The following LCOR variants were observed in gnomAD, a reference collection of about 807,000 sequenced individuals.
LCOR encodes ligand-dependent corepressor.
A neutral mutation model predicts 64.4 loss-of-function variants in LCOR; 14 were observed. The observed-to-expected ratio is 0.22, with a 90% CI of 0.14 to 0.34. The LOEUF is 0.34. Among genes scored for constraint, LCOR ranks in the 10% least tolerant of loss-of-function variants. The probability of loss-of-function intolerance (pLI) is 1.00; values close to 1 mark genes in which losing one functional copy is unlikely to be tolerated. For synonymous variants in LCOR, 643 were observed against 642.5 expected (o/e 1.00, Z -0.01); for missense variants, 1,686 against 1,765.3 (o/e 0.96, Z 0.80).
intron 2 of LCOR, among the ~76,000 whole-genome samples, chr10:96,839,776 TC>T (rs774716617): frequency 2.0e-5 from 3 of 152,090 alleles, no homozygotes; most frequent in Admixed American, 6.6e-5. Context: ...ACCTCTGTCT[TC>T]CAGGTTCAAG....
chr10:96,924,706 C>T (rs1341340888), intron 4 of LCOR, among the ~76,000 whole-genome samples: 1 of 151,954 alleles, frequency 6.6e-6, no homozygotes, highest in Non-Finnish European at 1.5e-5. Context: ...TTACTACTTA[C>T]AACGCAGGCA....
At chr10:96,917,141 C>T (rs1043252077) in intron 4 of LCOR, among the ~76,000 whole-genome samples, 2 of 152,196 alleles carry the variant, frequency 1.3e-5, no homozygotes, top group East Asian at 1.9e-4. Context: ...TCTCCCAGTT[C>T]GTAGAGTTGT....
At chr10:96,915,622 C>T in intron 4 of LCOR, 1 of 871,262 alleles carries the variant, frequency 1.1e-6, no homozygotes. Context: ...ATCAAAAATG[C>T]ACACACTTCA....
intron 4 of LCOR, among the ~76,000 whole-genome samples, chr10:96,911,526 G>A (rs1024000721): frequency 1.3e-5 from 2 of 152,218 alleles, no homozygotes; most frequent in Admixed American, 1.3e-4. Context: ...TTTGATCCAT[G>A]TTTTTAGATG....
intron 6 of LCOR, among the ~76,000 whole-genome samples, chr10:96,950,550 T>G (rs1198545583): frequency 1.3e-5 from 2 of 152,096 alleles, no homozygotes; most frequent in Non-Finnish European, 2.9e-5. Flanking sequence ...TTAATGGAGG[T>G]TAACATAAAA....
intron 2 of LCOR, among the ~76,000 whole-genome samples, chr10:96,874,571 C>T (rs916345282): frequency 1.3e-5 from 2 of 152,018 alleles, no homozygotes; most frequent in Admixed American, 1.3e-4. Flanking sequence ...AAATCATGAA[C>T]TCTCAGTACT....
chr10:96,930,009 T>TA (rs1453215829), intron 4 of LCOR, among the ~76,000 whole-genome samples: 1 of 152,104 alleles, frequency 6.6e-6, no homozygotes, highest in African/African-American at 2.4e-5. Context: ...TACAGTAACA[T>TA]AAAAAATCAC....
intron 4 of LCOR, among the ~76,000 whole-genome samples, chr10:96,941,236 G>T (rs1847464243): frequency 5.1e-5 from 7 of 136,582 alleles, no homozygotes; most frequent in African/African-American, 5.4e-5. Flanking sequence ...CCGGGCGGGG[G>T]GCTGACCCCC....
At chr10:96,980,212 G>T (rs1351608742) in intron 7 of LCOR, among the ~76,000 whole-genome samples, 1 of 151,596 alleles carries the variant, frequency 6.6e-6, no homozygotes, top group Non-Finnish European at 1.5e-5. Context: ...CCCAAGATTT[G>T]TACTGTAGTG....
intron 4 of LCOR, among the ~76,000 whole-genome samples, chr10:96,929,332 TGG>T (rs1847218614): frequency 6.6e-6 from 1 of 152,386 alleles, no homozygotes; most frequent in South Asian, 2.1e-4. Flanking sequence ...CTGTATAACT[TGG>T]TGCAGCTTCT....
At chr10:96,952,706 A>G (rs1488892603) in intron 7 of LCOR, among the ~76,000 whole-genome samples, 1 of 152,204 alleles carries the variant, frequency 6.6e-6, no homozygotes, top group Non-Finnish European at 1.5e-5. Flanking sequence ...ATCTTAGGCT[A>G]CCAAGACATT....
intron 5 of LCOR, among the ~76,000 whole-genome samples, chr10:96,947,200 CG>C: frequency 6.6e-6 from 1 of 151,998 alleles, no homozygotes; most frequent in Admixed American, 6.5e-5. Context: ...TTTAAACCAC[CG>C]GGAATACTTA....
At chr10:96,890,516 T>C (rs1039530553) in intron 2 of LCOR, among the ~76,000 whole-genome samples, 5 of 152,230 alleles carry the variant, frequency 3.3e-5, no homozygotes, top group Admixed American at 6.5e-5. Context: ...ATAAAAGTAG[T>C]TTTACTTGGT....
intron 2 of LCOR, among the ~76,000 whole-genome samples, chr10:96,886,642 G>T (rs1028030233): frequency 6.6e-6 from 1 of 151,340 alleles, no homozygotes; most frequent in African/African-American, 2.4e-5. Flanking sequence ...ATCTAATTTG[G>T]GTTGTTTTTT....
intron 2 of LCOR, among the ~76,000 whole-genome samples, chr10:96,888,375 A>AAAAAAAAAAAAAAAAAAC (rs1846382066): frequency 6.8e-6 from 1 of 147,958 alleles, no homozygotes; most frequent in African/African-American, 2.5e-5. Context: ...AAAAAAAAAA[A>AAAAAAAAAAAAAAAAAAC]AAAAAAAAAA....
At chr10:96,854,978 C>T (rs1845779200) in intron 2 of LCOR, among the ~76,000 whole-genome samples, 1 of 152,184 alleles carries the variant, frequency 6.6e-6, no homozygotes, top group South Asian at 2.1e-4. Context: ...CTCTCCTCCT[C>T]TTATGGCAGT....
At chr10:96,846,062 C>T (rs1459092300) in intron 2 of LCOR, among the ~76,000 whole-genome samples, 1 of 151,804 alleles carries the variant, frequency 6.6e-6, no homozygotes, top group East Asian at 2.0e-4. Context: ...CAAAAACTAG[C>T]TGGGCATGGT....
At position 96,993,746 on chromosome 10, in the gene LCOR, A is replaced by ATT. The variant is rs1241331850; in HGVS notation, c.*8613_*8614dup. 1.4e-5 allele frequency: 2 copies of ATT among 146,998 alleles called. No individual in the cohort carries two copies. The highest frequency in any genetic ancestry group is 5.1e-5 in the African/African-American group (2 of 39,498). The allele number at this position is 146,998 out of a possible 1,614,324, so 9.1% of individuals were successfully genotyped here. On this transcript the variant is annotated 3_prime_UTR_variant, in exon 8 of 8. Transcript: ENST00000421806. Reference sequence around the variant, plus strand: ...CCCTCTTCTCATCTGGTTATGTTATATTATATATATATATTATATATATAT... The same window carrying ATT: ...CCCTCTTCTCATCTGGTTATGTTATATTTTATATATATATATTATATATATAT...
At chr10:96,961,414 A>C (rs1470058061) in intron 7 of LCOR, 1 of 152,104 alleles carries the variant, frequency 6.6e-6, no homozygotes, top group Non-Finnish European at 1.5e-5. Flanking sequence ...CTTTTACCCC[A>C]TCTTGAACTG....
Sources: gnomAD v4.1 joint callset for allele counts (sites outside exome capture counted in the v4.1 genomes callset) on GRCh38, gnomAD v4.1.1 for gene constraint, MANE v1.5 for transcripts, NCBI Gene and HGNC (gene_info 2026-07-23, HGNC 2026-07-21) for gene names.